MAP7D2: variants seen among roughly 807,000 people sequenced by gnomAD.
MAP7D2 encodes MAP7 domain-containing protein 2.
MAP7D2 carries 33 observed loss-of-function variants against 63.5 expected under a neutral mutation model. That is an observed-to-expected ratio of 0.52 (90% confidence interval 0.39 to 0.70). The LOEUF (loss-of-function observed/expected upper bound fraction) is 0.70, where lower values mean the gene tolerates loss of function less well. Ranked by LOEUF, MAP7D2 falls within the 30% of genes least tolerant of loss-of-function variation. MAP7D2 has a pLI of 0.00. For missense variants in MAP7D2, 626 were observed against 604.0 expected, an observed-to-expected ratio of 1.04 and a Z score of -0.38; for synonymous variants, 224 against 223.7, an observed-to-expected ratio of 1.00 and a Z score of -0.01.
At position 20,116,838 on chromosome X, in the gene MAP7D2, A is replaced by G; in HGVS notation, c.42T>C (p.Pro14=). ...GAGAGGTTCCCCGCGCAGTCCCCTC[A>G]GGCCGGGATCCCGTCCCGGAGCCGC... ...GGGGSGTGSR[P]EGTARGTSLP... is the part of the protein sequence containing the mutation. The change falls in exon 1 of 17, where the codon CCT becomes CCC. Residue 14 remains proline (P), a synonymous_variant. Transcript: ENST00000379643. 2 of 1,168,274 alleles carry G rather than the reference A, an allele frequency of 1.7e-6. No homozygotes were observed. Among genetic ancestry groups the G allele is most frequent in the Non-Finnish European group, 2.3e-6 (2 of 875,820 alleles).
At chrX:20,115,974 C>A (rs929366077) in intron 1 of MAP7D2, among the ~76,000 whole-genome samples, 1 of 112,927 alleles carries the variant, frequency 8.9e-6, no homozygotes, top group Non-Finnish European at 1.9e-5. Flanking sequence ...CTTTACAGAA[C>A]GTTAGCATCA....
At chrX:20,107,831 T>C (rs1257487621) in intron 1 of MAP7D2, among the ~76,000 whole-genome samples, 2 of 111,961 alleles carry the variant, frequency 1.8e-5, no homozygotes, top group African/African-American at 6.5e-5. Context: ...AATTGACTTA[T>C]TTTCGCTTAG....
chrX:20,028,157 T>A (rs976348891), intron 8 of MAP7D2, among the ~76,000 whole-genome samples: 1 of 111,772 alleles, frequency 8.9e-6, no homozygotes, highest in Non-Finnish European at 1.9e-5. Flanking sequence ...ACACAGGTAC[T>A]ATTATCATGG....
intron 6 of MAP7D2, among the ~76,000 whole-genome samples, chrX:20,048,474 A>G (rs1007366209): frequency 9.0e-6 from 1 of 110,853 alleles, no homozygotes; most frequent in Admixed American, 9.6e-5. Flanking sequence ...CTTTGCTTGC[A>G]TCCTTTCACT....
intron 1 of MAP7D2, among the ~76,000 whole-genome samples, chrX:20,105,513 G>A (rs1473711335): frequency 2.7e-5 from 3 of 111,938 alleles, no homozygotes; most frequent in Non-Finnish European, 5.6e-5. Context: ...CTAGAAAGAT[G>A]GAGGCAGAAC....
intron 1 of MAP7D2, among the ~76,000 whole-genome samples, chrX:20,068,072 C>T (rs1189123491): frequency 8.9e-6 from 1 of 112,126 alleles, no homozygotes; most frequent in East Asian, 2.8e-4. Flanking sequence ...AATGCATGGC[C>T]GTCTCTTTCT....
Position 20,025,736 on chromosome X carries a change from C to T in MAP7D2, c.1224G>A (p.Lys408=), listed in dbSNP as rs1350064325. 8.3e-7 allele frequency: 1 copy of T among 1,212,009 alleles called. No homozygotes were observed. Among genetic ancestry groups the T allele is most frequent in the Admixed American group, 2.2e-5 (1 of 46,099 alleles). The part of the protein sequence containing the change: ...EEALEKHVVD[K]HASEKHAAAA... ...CAGCAGCATGCTTCTCGCTGGCATG[C>T]TTGTCCACTACATGCTTCTCTAGGG... Residue 408 remains lysine (K), a synonymous_variant, in exon 9 of 17, where the codon AAG becomes AAA. Transcript: ENST00000379643.
chrX:20,033,448 G>A (rs1035622818), intron 8 of MAP7D2, among the ~76,000 whole-genome samples: 5 of 112,045 alleles, frequency 4.5e-5, no homozygotes, highest in African/African-American at 1.6e-4. Context: ...CTAGGTTATG[G>A]GAACAAAGCT....
chrX:20,063,884 C>T (rs1484053917), intron 2 of MAP7D2, among the ~76,000 whole-genome samples: 1 of 112,356 alleles, frequency 8.9e-6, no homozygotes, highest in Non-Finnish European at 1.9e-5. Flanking sequence ...AGTGCCTCCC[C>T]ACGTGGGAGC....
At position 20,025,705 on chromosome X, in the gene MAP7D2, CTGCGGCAGCAGCA is replaced by C; in HGVS notation, c.1242_1254del (p.His414GlnfsTer60). 8.3e-7 allele frequency: 1 copy of C among 1,212,026 alleles called. No homozygotes were observed. Among genetic ancestry groups the C allele is most frequent in the Admixed American group, 2.2e-5 (1 of 46,075 alleles). ...CCTGCGCTGTTTTCGGCTTTCCCTC[CTGCGGCAGCAGCA>C]TGCTTCTCGCTGGCATGCTTGTCCA... On this transcript the variant is annotated frameshift_variant, in exon 9 of 17. Coordinates refer to ENST00000379643, the MANE Select transcript of MAP7D2 (RefSeq NM_001168465.2). LOFTEE classifies it high-confidence loss of function.
chrX:20,037,688 G>A (rs1367534752), intron 8 of MAP7D2, among the ~76,000 whole-genome samples: 1 of 112,045 alleles, frequency 8.9e-6, no homozygotes, highest in Non-Finnish European at 1.9e-5. Flanking sequence ...ATGGGCTGTA[G>A]CCAATGGTTT....
intron 3 of MAP7D2, among the ~76,000 whole-genome samples, chrX:20,060,729 G>T (rs145434647): frequency 9.0e-6 from 1 of 110,781 alleles, no homozygotes; most frequent in African/African-American, 3.3e-5. Flanking sequence ...GCAAGAGAAT[G>T]AGTTTAAGGT....
intron 1 of MAP7D2, among the ~76,000 whole-genome samples, chrX:20,097,963 C>A (rs2066316926): frequency 9.0e-6 from 1 of 111,686 alleles, no homozygotes; most frequent in Non-Finnish European, 1.9e-5. Context: ...TTAGAGACAA[C>A]CTATCTCACT....
intron 8 of MAP7D2, among the ~76,000 whole-genome samples, chrX:20,037,771 G>A (rs2064537441): frequency 1.8e-5 from 2 of 112,028 alleles, no homozygotes; most frequent in African/African-American, 3.3e-5. Context: ...GAAGAGATAT[G>A]TGGATGGACC....
chrX:20,108,669 T>C (rs2066639530), intron 1 of MAP7D2, among the ~76,000 whole-genome samples: 1 of 110,131 alleles, frequency 9.1e-6, no homozygotes, highest in Non-Finnish European at 1.9e-5. Flanking sequence ...TCATATATTT[T>C]TCTTTACTGT....
intron 1 of MAP7D2, among the ~76,000 whole-genome samples, chrX:20,112,335 C>A (rs768986292): frequency 2.7e-5 from 3 of 111,992 alleles, no homozygotes; most frequent in Non-Finnish European, 5.6e-5. Flanking sequence ...TGCATGCATG[C>A]GGCTCACTCA....
intron 1 of MAP7D2, among the ~76,000 whole-genome samples, chrX:20,109,519 CAAAAA>C (rs60683453): frequency 3.0e-5 from 1 of 32,997 alleles, no homozygotes; most frequent in Non-Finnish European, 5.5e-5. Context: ...GACTCCGTCT[CAAAAA>C]AAAAAAAAAA....
At chrX:20,035,409 T>G (rs1033945202) in intron 8 of MAP7D2, among the ~76,000 whole-genome samples, 7 of 112,093 alleles carry the variant, frequency 6.2e-5, no homozygotes, top group Admixed American at 5.7e-4. Context: ...GCACTGGGCA[T>G]AGTGACCTGC....
At chrX:20,114,149 C>A (rs1446357400) in intron 1 of MAP7D2, among the ~76,000 whole-genome samples, 1 of 112,333 alleles carries the variant, frequency 8.9e-6, no homozygotes, top group Non-Finnish European at 1.9e-5. Flanking sequence ...TCCTATGCCT[C>A]AGCCTCCCAA....
Sources: gnomAD v4.1 joint callset for allele counts (sites outside exome capture counted in the v4.1 genomes callset) on GRCh38, gnomAD v4.1.1 for gene constraint, MANE v1.5 for transcripts, NCBI Gene and HGNC (gene_info 2026-07-23, HGNC 2026-07-21) for gene names.